FAM13A: variants seen among roughly 807,000 people sequenced by gnomAD.
FAM13A encodes the protein protein FAM13A.
A neutral mutation model predicts 129.6 loss-of-function variants in FAM13A; 76 were observed. The observed-to-expected ratio is 0.59, with a 90% confidence interval of 0.49 to 0.71. FAM13A has a LOEUF of 0.71. Among genes scored for constraint, FAM13A ranks in the 30% least tolerant of loss-of-function variants. The pLI is 0.00. For synonymous variants in FAM13A, 443 were observed against 449.9 expected, an observed-to-expected ratio of 0.98 and a Z score of 0.20; for missense variants, 1,108 against 1,249.3, an observed-to-expected ratio of 0.89 and a Z score of 1.70.
At chr4:88,818,325 A>G (rs1290179332) in intron 7 of FAM13A, among the ~76,000 whole-genome samples, 1 of 151,866 alleles carries the variant, frequency 6.6e-6, no homozygotes, top group Non-Finnish European at 1.5e-5. Flanking sequence ...TTAACTCCAA[A>G]ATCTCCCTCA....
intron 4 of FAM13A, among the ~76,000 whole-genome samples, chr4:88,951,740 A>G (rs557189381): frequency 6.6e-6 from 1 of 152,256 alleles, no homozygotes; most frequent in South Asian, 2.1e-4. Flanking sequence ...ATCAAAATCA[A>G]TTACTTCTTT....
intron 6 of FAM13A, among the ~76,000 whole-genome samples, chr4:88,874,254 A>T (rs898722275): frequency 1.4e-4 from 22 of 152,160 alleles, no homozygotes; most frequent in African/African-American, 4.6e-4. Context: ...CTCTCTCACC[A>T]CTCCTATTCA....
chr4:88,751,223 C>A (rs751550859), intron 14 of FAM13A, among the ~76,000 whole-genome samples: 10 of 151,976 alleles, frequency 6.6e-5, no homozygotes, highest in Non-Finnish European at 1.5e-4. Flanking sequence ...GCCTGGGCGA[C>A]AGAGTGAGAC....
Position 88,991,062 on chromosome 4 carries a change from G to A in FAM13A, c.516C>T (p.Cys172=). The A allele has an allele frequency of 1.2e-6, 2 of 1,613,412 alleles. No individual in the cohort carries two copies. The highest frequency in any genetic ancestry group is 1.3e-5 in the African/African-American group (1 of 75,004). The change falls in exon 4 of 24, where the codon TGC becomes TGT. Residue 172 remains cysteine (C), a synonymous_variant. Coordinates refer to ENST00000264344, the MANE Select transcript of FAM13A (RefSeq NM_014883.4). The part of the protein sequence containing the change: ...DTHYCLLKYL[C]QFLTKVAKHH... ...GCTTGGCTACTTTTGTCAAGAACTGGCAAAGGTACTTGAGGAGGCAGTAGT... is the reference window on the plus strand; with the variant it reads ...GCTTGGCTACTTTTGTCAAGAACTGACAAAGGTACTTGAGGAGGCAGTAGT...
intron 2 of FAM13A, among the ~76,000 whole-genome samples, chr4:89,023,296 G>A (rs2704580): frequency 0.11 from 15,968 of 152,014 alleles, 914 homozygotes; most frequent in African/African-American, 0.15. Flanking sequence ...AAGGCATTCC[G>A]TCCCTGGTCA....
Position 88,768,045 on chromosome 4 carries a change from G to A in FAM13A, c.1473C>T (p.Leu491=). The part of the protein sequence containing the change: ...NQDGLVNMES[L]NSTRSHERTG... Reference sequence around the variant, plus strand: ...TTCTCTCATGAGATCGTGTGGAATTGAGACTTTCCATATTCTGTAACAGAA... The same window carrying A: ...TTCTCTCATGAGATCGTGTGGAATTAAGACTTTCCATATTCTGTAACAGAA... The change falls in exon 12 of 24, where the codon CTC becomes CTT. Residue 491 remains leucine (L), a synonymous_variant. Transcript: ENST00000264344. 6.2e-7 allele frequency: 1 copy of A among 1,603,802 alleles called. No individual in the cohort carries two copies. The highest frequency in any genetic ancestry group is 8.5e-7 in the Non-Finnish European group (1 of 1,171,108).
At chr4:88,730,454 G>A (rs781691352) in intron 23 of FAM13A, among the ~76,000 whole-genome samples, 1 of 152,152 alleles carries the variant, frequency 6.6e-6, no homozygotes, top group Non-Finnish European at 1.5e-5. Flanking sequence ...GTGCAGTGGC[G>A]TGATCTCGGC....
At chr4:88,822,895 T>C in intron 7 of FAM13A, 3 of 1,567,734 alleles carry the variant, frequency 1.9e-6, no homozygotes, top group Non-Finnish European at 2.6e-6. Context: ...TACTAAAAGA[T>C]GCCAAGTACT....
chr4:88,999,438 GA>G (rs1763965810), intron 3 of FAM13A, among the ~76,000 whole-genome samples: 1 of 152,202 alleles, frequency 6.6e-6, no homozygotes, highest in Non-Finnish European at 1.5e-5. Context: ...ATATAGGACA[GA>G]GAGCCTCACA....
intron 7 of FAM13A, among the ~76,000 whole-genome samples, chr4:88,808,518 G>A (rs2149766131): frequency 6.6e-6 from 1 of 152,146 alleles, no homozygotes; most frequent in South Asian, 2.1e-4. Context: ...TCTAACTTGA[G>A]CATAATTTGT....
intron 7 of FAM13A, among the ~76,000 whole-genome samples, chr4:88,832,744 G>T (rs535577483): frequency 2.4e-4 from 37 of 152,272 alleles, no homozygotes; most frequent in African/African-American, 8.7e-4. Flanking sequence ...AGGCTGGCAA[G>T]GTTAAGGAGA....
chr4:88,876,280 TA>T (rs746065580), intron 6 of FAM13A, among the ~76,000 whole-genome samples: 12 of 151,824 alleles, frequency 7.9e-5, no homozygotes, highest in Non-Finnish European at 1.0e-4. Context: ...CCCTAGAACT[TA>T]AAAGTATAAT....
At chr4:88,876,739 C>G (rs562590055) in intron 6 of FAM13A, among the ~76,000 whole-genome samples, 2 of 152,050 alleles carry the variant, frequency 1.3e-5, no homozygotes, top group Non-Finnish European at 2.9e-5. Context: ...CTACAGGTGC[C>G]TGCCACCACG....
In FAM13A at chr4:88,956,174, CAACTTCCAG is replaced by C. The variant is rs1407273080; in HGVS notation, c.606-17942_606-17934del. ...CACTCACTCATTGACTCACTCAGAGCAACTTCCAGTTCTGAAAGCTCCATTCAGGATAGA... is the reference window on the plus strand; with the variant it reads ...CACTCACTCATTGACTCACTCAGAGCTTCTGAAAGCTCCATTCAGGATAGA... On this transcript the variant is annotated intron_variant, in intron 4 of 23. Coordinates refer to ENST00000264344, the MANE Select transcript of FAM13A (RefSeq NM_014883.4). 7.9e-5 allele frequency among the ~76,000 whole-genome samples: 12 copies of C among 152,210 alleles called. 1 individual carries two copies.
At chr4:88,822,540 C>T (rs553327238) in intron 7 of FAM13A, among the ~76,000 whole-genome samples, 2 of 152,208 alleles carry the variant, frequency 1.3e-5, no homozygotes, top group East Asian at 3.9e-4. Flanking sequence ...AAAATCCTTG[C>T]CTAGATCTGA....
intron 2 of FAM13A, 92 bp downstream of exon 2, chr4:89,029,368 G>T: frequency 9.8e-7 from 1 of 1,024,184 alleles, no homozygotes; most frequent in Non-Finnish European, 1.5e-6. Flanking sequence ...TTAGAGGATA[G>T]CCTAATCATA....
intron 7 of FAM13A, among the ~76,000 whole-genome samples, chr4:88,835,040 C>T (rs999079829): frequency 6.6e-6 from 1 of 152,110 alleles, no homozygotes; most frequent in Admixed American, 6.5e-5. Flanking sequence ...TCCCCAAATA[C>T]TGCTTTAATC....
chr4:88,995,334 G>A (rs893046080), intron 3 of FAM13A, among the ~76,000 whole-genome samples: 1 of 152,156 alleles, frequency 6.6e-6, no homozygotes, highest in Non-Finnish European at 1.5e-5. Flanking sequence ...GTTCCTGGGT[G>A]TGTCTGTGAG....
chr4:88,915,273 A>G (rs1579257133), intron 5 of FAM13A, among the ~76,000 whole-genome samples: 1 of 152,302 alleles, frequency 6.6e-6, no homozygotes, highest in East Asian at 1.9e-4. Context: ...AAAAAAGTAG[A>G]TTTTCTTAAA....
Sources: allele counts gnomAD v4.1 joint callset (sites outside exome capture counted in the v4.1 genomes callset), GRCh38; gene constraint gnomAD v4.1.1; transcripts MANE v1.5; gene names NCBI Gene and HGNC (gene_info 2026-07-23, HGNC 2026-07-21).